Variants in NR3C2 observed in about 807,000 individuals in gnomAD.
NR3C2 encodes nuclear receptor subfamily 3 group C member 2.
NR3C2 carries 15 observed loss-of-function variants against 86.4 expected under a neutral mutation model. The ratio of observed to expected loss-of-function variants is 0.17; its 90% CI spans 0.12 to 0.27. The LOEUF (loss-of-function observed/expected upper bound fraction) is 0.27. Ranked by LOEUF, NR3C2 falls within the 10% of genes least tolerant of loss-of-function variation. NR3C2 has a pLI of 1.00. For missense variants in NR3C2, 960 were observed against 1,195.6 expected (o/e 0.80, Z 2.91); for synonymous variants, 458 against 450.5 (o/e 1.02, Z -0.21).
chr4:148,128,250 A>G (rs892350301), intron 6 of NR3C2, among the ~76,000 whole-genome samples: 1 of 152,160 alleles, frequency 6.6e-6, no homozygotes, highest in Admixed American at 6.5e-5. Context: ...CCTATTTCAC[A>G]TTATGAGACT....
intron 2 of NR3C2, among the ~76,000 whole-genome samples, chr4:148,338,598 G>A (rs1010676096): frequency 2.0e-5 from 3 of 152,154 alleles, no homozygotes; most frequent in Admixed American, 6.6e-5. Flanking sequence ...TTGTCAGGAT[G>A]GAACAGGGTA....
chr4:148,436,222 C>G lies in NR3C2; in HGVS notation c.639G>C (p.Val213=). The G allele has an allele frequency of 6.2e-7, 1 of 1,614,146 alleles. No individual in the cohort carries two copies. The highest frequency in any genetic ancestry group is 2.2e-5 in the East Asian group (1 of 44,870). Residue 213 remains valine, a synonymous_variant, in exon 2 of 9, where the codon GTG becomes GTC. Transcript: ENST00000358102. The stretch of plus-strand genomic sequence containing the variant: ...TGCCAAAGCTGGCTGTGGTGGAGGA[C>G]ACAGAGTTGATTCCAGCAGGGCTGC... ...SVCSPAGINS[V]SSTTASFGSF...
At chr4:148,225,930 G>C (rs74353937) in intron 3 of NR3C2, among the ~76,000 whole-genome samples, 4 of 152,094 alleles carry the variant, frequency 2.6e-5, no homozygotes, top group African/African-American at 9.6e-5. Flanking sequence ...TCTTTACACA[G>C]AAGTTTACTT....
intron 2 of NR3C2, among the ~76,000 whole-genome samples, chr4:148,345,894 C>T (rs1292571249): frequency 3.3e-5 from 5 of 152,076 alleles, no homozygotes; most frequent in Non-Finnish European, 5.9e-5. Context: ...GTAAAGAAGA[C>T]AAACACAAGG....
At chr4:148,241,214 G>A (rs1008777156) in intron 3 of NR3C2, among the ~76,000 whole-genome samples, 3 of 135,444 alleles carry the variant, frequency 2.2e-5, no homozygotes, top group African/African-American at 8.3e-5. Flanking sequence ...GCTGAGGCAG[G>A]AGAATCACTG....
At chr4:148,108,862 C>T (rs552424883) in intron 8 of NR3C2, among the ~76,000 whole-genome samples, 2 of 152,336 alleles carry the variant, frequency 1.3e-5, no homozygotes, top group African/African-American at 4.8e-5. Flanking sequence ...TGTAACCCTG[C>T]ACCTCACAGA....
chr4:148,102,514 A>G (rs547998871), intron 8 of NR3C2, among the ~76,000 whole-genome samples: 1 of 151,004 alleles, frequency 6.6e-6, no homozygotes, highest in East Asian at 2.0e-4. Flanking sequence ...TCTACTTCCA[A>G]CTCTGGGGAG....
At chr4:148,406,866 A>G (rs1341045173) in intron 2 of NR3C2, among the ~76,000 whole-genome samples, 1 of 152,238 alleles carries the variant, frequency 6.6e-6, no homozygotes, top group Non-Finnish European at 1.5e-5. Flanking sequence ...GTCCAGGATC[A>G]GTGTTAAAGT....
At chr4:148,424,040 T>A (rs1394892763) in intron 2 of NR3C2, among the ~76,000 whole-genome samples, 2 of 152,208 alleles carry the variant, frequency 1.3e-5, no homozygotes, top group African/African-American at 4.8e-5. Context: ...AAATATCTAT[T>A]GTACTCTTAG....
At chr4:148,445,082 C>A (rs1750516037), upstream of NR3C2, 6 of 812,810 alleles carry the variant, frequency 7.4e-6, no homozygotes, top group Non-Finnish European at 8.9e-6. Context: ...CGGGCAGGGG[C>A]GCCGGCAGCC....
chr4:148,267,120 A>T (rs1740435725), intron 2 of NR3C2, among the ~76,000 whole-genome samples: 1 of 152,168 alleles, frequency 6.6e-6, no homozygotes, highest in Admixed American at 6.5e-5. Context: ...CACTTTCCTT[A>T]TCTGTTAGGT....
chr4:148,234,113 A>C (rs1738611616), intron 3 of NR3C2, among the ~76,000 whole-genome samples: 1 of 152,220 alleles, frequency 6.6e-6, no homozygotes, highest in Admixed American at 6.5e-5. Context: ...ATCATCCACA[A>C]GCAATCTCCC....
At chr4:148,261,212 G>T (rs1740082757) in intron 2 of NR3C2, among the ~76,000 whole-genome samples, 1 of 151,928 alleles carries the variant, frequency 6.6e-6, no homozygotes. Flanking sequence ...TAAGCGCTAT[G>T]GTAAGCCCTA....
At chr4:148,195,912 C>CTTTA (rs888664222) in intron 3 of NR3C2, among the ~76,000 whole-genome samples, 14 of 152,284 alleles carry the variant, frequency 9.2e-5, no homozygotes, top group African/African-American at 2.9e-4. Flanking sequence ...AGACTTTGGC[C>CTTTA]TTTACTCTGA....
At chr4:148,095,688 G>C (rs1156684690) in intron 8 of NR3C2, among the ~76,000 whole-genome samples, 5 of 152,232 alleles carry the variant, frequency 3.3e-5, no homozygotes, top group African/African-American at 1.2e-4. Context: ...GACAGAGGCA[G>C]GGTTGTCCCA....
At chr4:148,140,366 C>G (rs922451826) in intron 6 of NR3C2, among the ~76,000 whole-genome samples, 1 of 152,058 alleles carries the variant, frequency 6.6e-6, no homozygotes, top group African/African-American at 2.4e-5. Context: ...GAAGCCCTGT[C>G]TCTAAAAAAT....
intron 2 of NR3C2, among the ~76,000 whole-genome samples, chr4:148,346,354 C>T (rs945556244): frequency 6.6e-6 from 1 of 151,970 alleles, no homozygotes; most frequent in African/African-American, 2.4e-5. Flanking sequence ...TGGGGAACAG[C>T]GAACAGATCC....
chr4:148,258,006 G>C (rs1406187865), intron 3 of NR3C2, among the ~76,000 whole-genome samples: 2 of 152,058 alleles, frequency 1.3e-5, no homozygotes, highest in South Asian at 4.2e-4. Context: ...AATTCCCTAG[G>C]TAATTCCACA....
Position 148,314,268 on chromosome 4 carries a change from C to T in NR3C2, c.1758-54151G>A, listed in dbSNP as rs986746921. Among the ~76,000 whole-genome samples, 4 of 152,164 alleles carry T rather than the reference C, an allele frequency of 2.6e-5. No homozygotes were observed. In the South Asian group the frequency reaches 8.3e-4, roughly 32 times the overall value. On this transcript the variant is annotated intron_variant, in intron 2 of 8. Transcript: ENST00000358102. ...TTACCTCACCAGAAATCCACAGTTG[C>T]TGATGCAAGTTATGCTATTTTTAGT...
Sources: allele counts gnomAD v4.1 joint callset (sites outside exome capture counted in the v4.1 genomes callset), GRCh38; gene constraint gnomAD v4.1.1; transcripts MANE v1.5; gene names NCBI Gene and HGNC (gene_info 2026-07-23, HGNC 2026-07-21).